ELL2: variants seen among roughly 807,000 people sequenced by gnomAD.
ELL2 encodes elongation factor for RNA polymerase II 2, also known as RNA polymerase II elongation factor ELL2.
Under a neutral mutation model 72.8 loss-of-function variants are expected in ELL2, and 21 were observed. The ratio of observed to expected loss-of-function variants is 0.29; its 90% confidence interval spans 0.20 to 0.42. The LOEUF (loss-of-function observed/expected upper bound fraction) is 0.42. Among genes scored for constraint, ELL2 ranks in the 10% least tolerant of loss-of-function variants. ELL2 has a pLI of 1.00. For missense variants in ELL2, 568 were observed against 772.8 expected (o/e 0.73, Z 3.14); for synonymous variants, 266 against 283.2 (o/e 0.94, Z 0.61).
At chr5:95,960,741 C>G (rs1751805469) in intron 1 of ELL2, among the ~76,000 whole-genome samples, 1 of 152,084 alleles carries the variant, frequency 6.6e-6, no homozygotes, top group Admixed American at 6.5e-5. Context: ...TCCCGGGGAG[C>G]GCTAAGTGTG....
At chr5:95,961,384 T>TC (rs1271968510) in intron 1 of ELL2, among the ~76,000 whole-genome samples, 191 bp downstream of exon 1, 1 of 151,424 alleles carries the variant, frequency 6.6e-6, no homozygotes, top group African/African-American at 2.4e-5. Context: ...ACTGCCCGCT[T>TC]CCCCAACGCC....
chr5:95,909,582 A>C (rs1272685942), intron 4 of ELL2, among the ~76,000 whole-genome samples: 1 of 152,244 alleles, frequency 6.6e-6, no homozygotes, highest in African/African-American at 2.4e-5. Context: ...AGTGGGCAGA[A>C]GAAAGGATTT....
At chr5:95,947,113 A>AT (rs1751187442) in intron 1 of ELL2, among the ~76,000 whole-genome samples, 1 of 151,870 alleles carries the variant, frequency 6.6e-6, no homozygotes, top group African/African-American at 2.4e-5. Context: ...CATAAGGTAT[A>AT]TTTTTTCATA....
rs760951275 is a variant in ELL2, at chr5:95,961,676, C to G, written c.46G>C (p.Gly16Arg). The change falls in exon 1 of 12, where the codon GGG becomes CGG. Residue 16 changes from glycine (G) to arginine (R), a missense_variant. Gly to Arg is a moderately radical substitution (Grantham distance 125). Coordinates refer to ENST00000237853, the MANE Select transcript of ELL2 (RefSeq NM_012081.6). ...TGCCCCAGCCGTCCGCACGACAGCC[C>G]ATAGCGCTGCTCCTCCCGCAGGCCC... The part of the protein sequence containing the change: ...TGGLREEQRY[G>R]LSCGRLGQDN... 1.9e-6 allele frequency: 3 copies of G among 1,607,654 alleles called. No homozygotes were observed. The highest frequency in any genetic ancestry group is 2.5e-6 in the Non-Finnish European group (3 of 1,177,830).
intron 1 of ELL2, among the ~76,000 whole-genome samples, chr5:95,944,577 C>T (rs1234807948): frequency 6.6e-6 from 1 of 152,148 alleles, no homozygotes; most frequent in East Asian, 1.9e-4. Context: ...AATGCCACCC[C>T]CAAACTACTT....
chr5:95,919,119 T>TA (rs1358292036), intron 3 of ELL2, among the ~76,000 whole-genome samples: 11 of 151,966 alleles, frequency 7.2e-5, no homozygotes, highest in Admixed American at 5.9e-4. Context: ...TAAATATTTC[T>TA]AAAAAAAATC....
chr5:95,922,269 A>T (rs950167472), intron 2 of ELL2, among the ~76,000 whole-genome samples: 5 of 152,184 alleles, frequency 3.3e-5, no homozygotes, highest in African/African-American at 1.2e-4. Context: ...TCACTGTGCT[A>T]GCCCAGACGG....
chr5:95,936,922 A>T (rs1439374929), intron 2 of ELL2, among the ~76,000 whole-genome samples: 1 of 152,224 alleles, frequency 6.6e-6, no homozygotes, highest in African/African-American at 2.4e-5. Context: ...ATCGACAAAC[A>T]GATAATGTCA....
chr5:95,927,970 C>G (rs980687558), intron 2 of ELL2, among the ~76,000 whole-genome samples: 9 of 151,390 alleles, frequency 5.9e-5, no homozygotes, highest in African/African-American at 2.2e-4. Context: ...TAAAAAGGGG[C>G]TTCAAAGGGA....
At chr5:95,907,244 G>A (rs536462683) in intron 4 of ELL2, among the ~76,000 whole-genome samples, 1 of 148,796 alleles carries the variant, frequency 6.7e-6, no homozygotes, top group Non-Finnish European at 1.5e-5. Context: ...CCACAAAGAG[G>A]GGGGAGGTCA....
intron 10 of ELL2, 118 bp downstream of exon 10, chr5:95,890,985 G>T: frequency 8.9e-7 from 1 of 1,123,890 alleles, no homozygotes. Context: ...GCAGCAGCGA[G>T]GCTGGTCTGC....
intron 1 of ELL2, among the ~76,000 whole-genome samples, chr5:95,954,728 C>T (rs757642514): frequency 2.0e-5 from 3 of 151,594 alleles, no homozygotes; most frequent in Non-Finnish European, 2.9e-5. Context: ...GCATGAGCCA[C>T]TGCGCCCGGC....
At chr5:95,913,550 A>G in intron 4 of ELL2, 1 of 418,558 alleles carries the variant, frequency 2.4e-6, no homozygotes, top group South Asian at 4.8e-5. Context: ...TAGCCAACGA[A>G]GATTCAGGAT....
chr5:95,955,504 G>GA (rs1428663077), intron 1 of ELL2, among the ~76,000 whole-genome samples: 1 of 152,036 alleles, frequency 6.6e-6, no homozygotes. Context: ...TACTGCCACA[G>GA]AAAAAAATAG....
At position 95,896,724 on chromosome 5, in the gene ELL2, G is replaced by T. The variant is rs190582477; in HGVS notation, c.1526-1033C>A. Among the ~76,000 whole-genome samples the T allele has an allele frequency of 3.9e-5, 6 of 152,306 alleles. No individual in the cohort carries two copies. In the East Asian group the frequency reaches 1.2e-3, roughly 29 times the overall value. On this transcript the variant is annotated intron_variant, in intron 8 of 11. Coordinates refer to ENST00000237853, the MANE Select transcript of ELL2 (RefSeq NM_012081.6). ...AAAATGCAGGGGATGTGGGTCTAGA[G>T]CTTTCCTAACTTTGTAATTATCGCA...
At chr5:95,934,694 A>G (rs1187289603) in intron 2 of ELL2, among the ~76,000 whole-genome samples, 1 of 152,188 alleles carries the variant, frequency 6.6e-6, no homozygotes, top group African/African-American at 2.4e-5. Flanking sequence ...GCTGGTGTCT[A>G]GCTCTAGATA....
chr5:95,889,387 T>C (rs1748577570), intron 10 of ELL2, among the ~76,000 whole-genome samples: 1 of 152,238 alleles, frequency 6.6e-6, no homozygotes, highest in Non-Finnish European at 1.5e-5. Flanking sequence ...ACTGTAGTGC[T>C]GTTTGTAAAG....
intron 1 of ELL2, among the ~76,000 whole-genome samples, chr5:95,960,164 T>A (rs1356432210): frequency 2.0e-5 from 3 of 152,038 alleles, no homozygotes; most frequent in Non-Finnish European, 4.4e-5. Context: ...CTCGGTGTCC[T>A]TCTGCCCCTC....
At chr5:95,958,231 T>C (rs1007507768) in intron 1 of ELL2, among the ~76,000 whole-genome samples, 6 of 152,200 alleles carry the variant, frequency 3.9e-5, no homozygotes, top group African/African-American at 1.4e-4. Context: ...AATTAGCCAA[T>C]CCATGTGAAC....
Sources: allele counts gnomAD v4.1 joint callset (sites outside exome capture counted in the v4.1 genomes callset), GRCh38; gene constraint gnomAD v4.1.1; transcripts MANE v1.5; gene names NCBI Gene and HGNC (gene_info 2026-07-23, HGNC 2026-07-21).